The following NRG3 variants were observed in gnomAD, a reference collection of about 807,000 sequenced individuals.
NRG3 encodes pro-neuregulin-3, membrane-bound isoform.
Under a neutral mutation model 66.9 loss-of-function variants are expected in NRG3, and 31 were observed. The ratio of observed to expected loss-of-function variants is 0.46; its 90% CI spans 0.35 to 0.63. The LOEUF (loss-of-function observed/expected upper bound fraction) is 0.63, where lower values mean the gene tolerates loss of function less well. Among genes scored for constraint, NRG3 ranks in the 20% least tolerant of loss-of-function variants. The pLI is 0.00. For synonymous variants in NRG3, 393 were observed against 359.4 expected (o/e 1.09, Z -1.06); for missense variants, 910 against 878.9 (o/e 1.04, Z -0.45).
intron 2 of NRG3, among the ~76,000 whole-genome samples, chr10:82,733,781 T>C (rs1425319243): frequency 6.6e-6 from 1 of 152,214 alleles, no homozygotes; most frequent in Non-Finnish European, 1.5e-5. Flanking sequence ...GATCTGGAAA[T>C]GTAAGGAGGC....
chr10:81,903,559 G>A (rs1844279298), intron 1 of NRG3, among the ~76,000 whole-genome samples: 1 of 152,184 alleles, frequency 6.6e-6, no homozygotes, highest in South Asian at 2.1e-4. Flanking sequence ...TTGGCTAATA[G>A]TGCTTAATAT....
intron 2 of NRG3, among the ~76,000 whole-genome samples, chr10:82,512,674 A>G (rs1845299934): frequency 6.6e-6 from 1 of 152,172 alleles, no homozygotes; most frequent in Admixed American, 6.6e-5. Context: ...CCTTCATTGC[A>G]TGCTATTCTG....
chr10:82,084,809 G>C (rs2065624198), intron 1 of NRG3, among the ~76,000 whole-genome samples: 1 of 152,046 alleles, frequency 6.6e-6, no homozygotes, highest in Non-Finnish European at 1.5e-5. Flanking sequence ...AAGATTGTCA[G>C]CTCCACTGAG....
intron 2 of NRG3, among the ~76,000 whole-genome samples, chr10:82,565,496 A>G (rs745888797): frequency 3.9e-5 from 6 of 152,028 alleles, no homozygotes; most frequent in Admixed American, 3.9e-4. Context: ...TCATCCTTCA[A>G]TCCCCACCAA....
rs572704514 is a variant in NRG3, at chr10:82,832,922, C to A, written c.1028-32489C>A. Among the ~76,000 whole-genome samples, 12 of 152,056 alleles carry A rather than the reference C, an allele frequency of 7.9e-5. No individual in the cohort carries two copies. The South Asian group carries it at 2.3e-3, about 29-fold the overall frequency. On this transcript the variant is annotated intron_variant, in intron 3 of 8. Coordinates refer to ENST00000372141, the MANE Select transcript of NRG3 (RefSeq NM_001010848.4). ...TACAATGGTCTTACAACTTTACAATCTTCTCACAAAGCGAGTACAAACCTG... is the reference window on the plus strand; with the variant it reads ...TACAATGGTCTTACAACTTTACAATATTCTCACAAAGCGAGTACAAACCTG...
At chr10:82,357,065 C>A (rs2135568577) in intron 1 of NRG3, among the ~76,000 whole-genome samples, 1 of 152,194 alleles carries the variant, frequency 6.6e-6, no homozygotes, top group East Asian at 1.9e-4. Context: ...CTGGGAGGCA[C>A]AAGATGAGAT....
intron 1 of NRG3, among the ~76,000 whole-genome samples, chr10:82,005,128 T>G (rs1438449204): frequency 1.3e-5 from 2 of 152,224 alleles, no homozygotes; most frequent in African/African-American, 4.8e-5. Context: ...AAATAGCTAG[T>G]AAGTGATACA....
intron 1 of NRG3, among the ~76,000 whole-genome samples, chr10:82,166,177 C>T (rs1368567571): frequency 6.6e-6 from 1 of 152,064 alleles, no homozygotes; most frequent in African/African-American, 2.4e-5. Flanking sequence ...CATGCACCAC[C>T]ACGCCCGGCT....
intron 4 of NRG3, among the ~76,000 whole-genome samples, chr10:82,924,857 T>C (rs758766553): frequency 2.0e-5 from 3 of 152,178 alleles, no homozygotes; most frequent in African/African-American, 4.8e-5. Flanking sequence ...AGCCAATCCA[T>C]GTAATTGCTT....
At chr10:82,548,559 A>G (rs1005891175) in intron 2 of NRG3, among the ~76,000 whole-genome samples, 3 of 143,182 alleles carry the variant, frequency 2.1e-5, no homozygotes, top group African/African-American at 5.4e-5. Flanking sequence ...ACACACACAC[A>G]CGCACACGCA....
chr10:82,790,093 A>C (rs561637129), intron 3 of NRG3, among the ~76,000 whole-genome samples: 43 of 152,178 alleles, frequency 2.8e-4, no homozygotes, highest in Non-Finnish European at 6.2e-4. Context: ...TGTATTGCTT[A>C]ATGTAGCTGC....
chr10:82,630,245 GTAAA>G (rs1374065531), intron 2 of NRG3, among the ~76,000 whole-genome samples: 1 of 151,874 alleles, frequency 6.6e-6, no homozygotes, highest in East Asian at 1.9e-4. Flanking sequence ...TCAGAGAAAA[GTAAA>G]TAAAGAGGTA....
At chr10:82,923,438 A>AGTACATTGTC (rs1846650135) in intron 4 of NRG3, among the ~76,000 whole-genome samples, 1 of 152,210 alleles carries the variant, frequency 6.6e-6, no homozygotes, top group South Asian at 2.1e-4. Flanking sequence ...CATTGCACTC[A>AGTACATTGTC]GTACATTGTC....
chr10:82,970,613 T>C (rs985883548), intron 6 of NRG3, among the ~76,000 whole-genome samples: 1 of 152,244 alleles, frequency 6.6e-6, no homozygotes, highest in African/African-American at 2.4e-5. Context: ...CCTTTATATC[T>C]TAAGAATAGT....
intron 1 of NRG3, among the ~76,000 whole-genome samples, chr10:81,932,761 G>A (rs570325115): frequency 6.7e-4 from 102 of 152,218 alleles, no homozygotes; most frequent in South Asian, 2.7e-3. Context: ...GTGTTTGATA[G>A]CTTCTAGTCA....
intron 6 of NRG3, among the ~76,000 whole-genome samples, 159 bp downstream of exon 6, chr10:82,959,234 A>G (rs1850373762): frequency 6.6e-6 from 1 of 152,218 alleles, no homozygotes. Context: ...GTATGCACAC[A>G]TGCATGTATG....
chr10:82,073,949 A>C (rs2064947510), intron 1 of NRG3, among the ~76,000 whole-genome samples: 1 of 152,222 alleles, frequency 6.6e-6, no homozygotes, highest in African/African-American at 2.4e-5. Flanking sequence ...GTACTTTTGC[A>C]GCTTAAATAC....
At chr10:82,048,457 G>A (rs1589907655) in intron 1 of NRG3, among the ~76,000 whole-genome samples, 2 of 151,896 alleles carry the variant, frequency 1.3e-5, no homozygotes, top group East Asian at 1.9e-4. Context: ...ACTCAAAACC[G>A]CACAACTACG....
At position 82,979,286 on chromosome 10, in the gene NRG3, T is replaced by C. The variant is rs536056762; in HGVS notation, c.1583+166T>C. On this transcript the variant is annotated intron_variant, in intron 8 of 8. Coordinates refer to ENST00000372141, the MANE Select transcript of NRG3 (RefSeq NM_001010848.4). ...CAAAAGGTGAACCAACTTTGATGTA[T>C]AGTTGTGATGGAAAATAGGTATCAG... Among the ~76,000 whole-genome samples the C allele has an allele frequency of 5.3e-5, 8 of 152,326 alleles. No homozygotes were observed. The East Asian group carries it at 1.3e-3, about 26-fold the overall frequency.
Sources: allele counts gnomAD v4.1 joint callset (sites outside exome capture counted in the v4.1 genomes callset), GRCh38; gene constraint gnomAD v4.1.1; transcripts MANE v1.5; gene names NCBI Gene and HGNC (gene_info 2026-07-23, HGNC 2026-07-21).